ST13: variants seen among roughly 807,000 people sequenced by gnomAD.
ST13 encodes the protein ST13 Hsp70 interacting protein.
ST13 carries 23 observed loss-of-function variants against 56.7 expected under a neutral mutation model. That is an observed-to-expected ratio of 0.41 (90% confidence interval 0.29 to 0.57). The LOEUF (loss-of-function observed/expected upper bound fraction) is 0.57, where lower values mean the gene tolerates loss of function less well. Ranked by LOEUF, ST13 falls within the 20% of genes least tolerant of loss-of-function variation. The probability of loss-of-function intolerance (pLI) is 0.36; values close to 1 mark genes in which losing one functional copy is unlikely to be tolerated. For synonymous variants in ST13, 132 were observed against 142.4 expected, an observed-to-expected ratio of 0.93 and a Z score of 0.52; for missense variants, 369 against 459.9, an observed-to-expected ratio of 0.80 and a Z score of 1.81.
In ST13 at chr22:40,835,853, A is replaced by G. The variant is rs1447573152; in HGVS notation, c.417T>C (p.Asp139=). Residue 139 remains aspartate (D), a synonymous_variant, in exon 6 of 12, where the codon GAT becomes GAC. Transcript: ENST00000216218. ...CCAAGCGAGGATTCAGCTTGATGGC[A>G]TCTGTGAATAAGTCAATGGCTTTCT... The part of the protein sequence containing the change: ...ELQKAIDLFT[D]AIKLNPRLAI... 6.2e-7 allele frequency: 1 copy of G among 1,613,402 alleles called. No homozygotes were observed. Among genetic ancestry groups the G allele is most frequent in the East Asian group, 2.2e-5 (1 of 44,886 alleles).
At chr22:40,855,905 ATAAT>A (rs766133996) in intron 1 of ST13, among the ~76,000 whole-genome samples, 3 of 147,614 alleles carry the variant, frequency 2.0e-5, no homozygotes, top group Non-Finnish European at 2.9e-5. Flanking sequence ...GATTCTCAAG[ATAAT>A]TAATCCTACG....
At chr22:40,828,369 C>A (rs2057738239) in intron 10 of ST13, among the ~76,000 whole-genome samples, 1 of 151,952 alleles carries the variant, frequency 6.6e-6, no homozygotes, top group Non-Finnish European at 1.5e-5. Flanking sequence ...CTTTGGGAGG[C>A]CGAGGCGGGC....
At chr22:40,841,207 A>G (rs188088038) in intron 4 of ST13, among the ~76,000 whole-genome samples, 146 of 151,822 alleles carry the variant, frequency 9.6e-4, no homozygotes, top group Middle Eastern at 3.4e-3. Context: ...AAAAAAGAAA[A>G]AAAAAAAAAA....
chr22:40,826,796 G>A (rs1163377950), intron 11 of ST13, 130 bp from the exon 12 acceptor site: 2 of 1,071,254 alleles, frequency 1.9e-6, no homozygotes, highest in African/African-American at 3.2e-5. Context: ...TTAGATGAGT[G>A]CTTGAAGTAT....
Position 40,835,586 on chromosome 22 carries a change from A to G in ST13, c.552T>C (p.Pro184=), listed in dbSNP as rs1256348758. Residue 184 remains proline (P), a synonymous_variant, in exon 7 of 12, where the codon CCT becomes CCC. Transcript: ENST00000216218. ...TGTGTGCTTTCCCCCGCCACTTGTA[A>G]GGCTGAGCTGAATCAGGATTTATTT... ...AIEINPDSAQ[P]YKWRGKAHRL... 6.2e-7 allele frequency: 1 copy of G among 1,612,792 alleles called. No individual in the cohort carries two copies. Among genetic ancestry groups the G allele is most frequent in the Non-Finnish European group, 8.5e-7 (1 of 1,179,904 alleles).
chr22:40,836,468 A>T (rs1232962545), intron 5 of ST13, among the ~76,000 whole-genome samples: 2 of 152,116 alleles, frequency 1.3e-5, no homozygotes, highest in African/African-American at 4.8e-5. Context: ...AAAATAAAAG[A>T]AAAAAGTAAA....
chr22:40,839,923 G>A (rs571956572), intron 5 of ST13, among the ~76,000 whole-genome samples: 1 of 152,218 alleles, frequency 6.6e-6, no homozygotes, highest in Admixed American at 6.5e-5. Context: ...GGCTGAGGCG[G>A]GCAGATCACG....
Position 40,840,483 on chromosome 22 carries a change from G to A in ST13, c.382+143C>T, listed in dbSNP as rs932758281. The A allele has an allele frequency of 1.7e-5, 11 of 641,268 alleles. No homozygotes were observed. The African/African-American group carries it at 1.7e-4, about 10-fold the overall frequency. 39.7% of individuals were successfully genotyped at this position (641,268 alleles called of 1,614,324 possible). ...AGTGATTTCAGCCTCTTTTATCAAT[G>A]AGGAAGGGGTGACTGGATAATAGGA... is the stretch of plus-strand genomic sequence containing the variant. On this transcript the variant is annotated intron_variant, in intron 5 of 11. Transcript: ENST00000216218.
Position 40,830,870 on chromosome 22 carries a change from C to G in ST13, c.768G>C (p.Lys256Asn). The G allele has an allele frequency of 6.2e-7, 1 of 1,608,260 alleles. No homozygotes were observed. Among genetic ancestry groups the G allele is most frequent in the Non-Finnish European group, 8.5e-7 (1 of 1,179,278 alleles). Residue 256 changes from lysine (K) to asparagine (N), a missense_variant, in exon 9 of 12, where the codon AAG (lysine) becomes AAC (asparagine). This residue lies in a region of ST13 where 136 missense variants were observed against 159.2 expected (regional missense o/e 0.85). Coordinates refer to ENST00000216218, the MANE Select transcript of ST13 (RefSeq NM_003932.5). The stretch of plus-strand genomic sequence containing the variant: ...GGGCTCTCTCATGCTCTTCTCGAGC[C>G]TTCTTAACTCGTTCTATTCTTTCTT... ...EIKERIERVK[K>N]AREEHERAQR...
chr22:40,856,381 CT>C (rs749984118), intron 1 of ST13, 49 bp downstream of exon 1: 22 of 1,527,386 alleles, frequency 1.4e-5, no homozygotes, highest in African/African-American at 1.1e-4. Context: ...TGGCTCCCCC[CT>C]GGGGCCGTGC....
intron 1 of ST13, among the ~76,000 whole-genome samples, chr22:40,855,626 G>A (rs537396744): frequency 6.6e-6 from 1 of 151,860 alleles, no homozygotes; most frequent in African/African-American, 2.4e-5. Flanking sequence ...TTTCTCTTCG[G>A]TGCTCCTTCA....
At chr22:40,830,763 A>G (rs1258779022) in intron 9 of ST13, 77 bp downstream of exon 9, 2 of 823,920 alleles carry the variant, frequency 2.4e-6, no homozygotes, top group Non-Finnish European at 3.9e-6. Context: ...AGAGCCAGGA[A>G]TTAAAATTTT....
At chr22:40,832,771 G>T in intron 7 of ST13, 100 bp from the exon 8 acceptor site, 1 of 882,356 alleles carries the variant, frequency 1.1e-6, no homozygotes, top group Non-Finnish European at 1.8e-6. Flanking sequence ...TCTAAAACAG[G>T]CTTAAGTTAA....
At chr22:40,845,683 T>C (rs1158811147) in intron 3 of ST13, among the ~76,000 whole-genome samples, 3 of 151,998 alleles carry the variant, frequency 2.0e-5, no homozygotes, top group African/African-American at 7.3e-5. Flanking sequence ...GTCAGTTAAA[T>C]GACAACTGTA....
At chr22:40,834,339 T>TA (rs1213952264) in intron 7 of ST13, among the ~76,000 whole-genome samples, 2 of 152,272 alleles carry the variant, frequency 1.3e-5, no homozygotes, top group Admixed American at 6.5e-5. Context: ...AAACTTTACT[T>TA]AGAGTGTATA....
chr22:40,851,399 T>C (rs1242338001), intron 1 of ST13, among the ~76,000 whole-genome samples: 5 of 152,364 alleles, frequency 3.3e-5, no homozygotes, highest in Non-Finnish European at 4.4e-5. Flanking sequence ...CATCACATTA[T>C]AGATTTTCTC....
chr22:40,842,604 C>G lies in ST13; in HGVS notation c.316-1912G>C, dbSNP rs189741038. On this transcript the variant is annotated intron_variant, in intron 4 of 11. Coordinates refer to ENST00000216218, the MANE Select transcript of ST13 (RefSeq NM_003932.5). ...CTTAATAACAAAAGTCTAACATTACCAGGGATCCAGAATTAGAGCATAAAG... is the reference window on the plus strand; with the variant it reads ...CTTAATAACAAAAGTCTAACATTACGAGGGATCCAGAATTAGAGCATAAAG... 2.0e-5 allele frequency among the ~76,000 whole-genome samples: 3 copies of G among 152,236 alleles called. No homozygotes were observed. The East Asian group carries it at 5.8e-4, about 29-fold the overall frequency.
chr22:40,846,050 C>T (rs764581365), intron 3 of ST13, among the ~76,000 whole-genome samples: 8 of 152,024 alleles, frequency 5.3e-5, no homozygotes, highest in South Asian at 2.1e-4. Context: ...AATTGTCCTG[C>T]GTCAGTCTCC....
Position 40,856,614 on chromosome 22 carries a change from G to A in ST13, c.-74C>T, listed in dbSNP as rs1219921370. 2.9e-5 allele frequency: 35 copies of A among 1,212,168 alleles called. No individual in the cohort carries two copies. The highest frequency in any genetic ancestry group is 2.7e-4 in the Middle Eastern group (1 of 3,736). 75.1% of individuals were successfully genotyped at this position (1,212,168 alleles called of 1,614,324 possible). A position where few individuals can be genotyped will look rare whatever the true frequency, so the allele number is the denominator to read the frequency against. ...GCCCAGGCGCTGGCTCGGCGTGACC[G>A]CGCAGAAGGGGGCGGCTGCCGCAAG... is the stretch of plus-strand genomic sequence containing the variant. On this transcript the variant is annotated 5_prime_UTR_variant, in exon 1 of 12. Coordinates refer to ENST00000216218, the MANE Select transcript of ST13 (RefSeq NM_003932.5).
Sources: gnomAD v4.1 joint callset for allele counts (sites outside exome capture counted in the v4.1 genomes callset) on GRCh38, gnomAD v4.1.1 for gene constraint, gnomAD v4.1.1 regional missense constraint, MANE v1.5 for transcripts, NCBI Gene and HGNC (gene_info 2026-07-23, HGNC 2026-07-21) for gene names.